Variants in KCNK10 observed in about 807,000 individuals in gnomAD.
KCNK10 encodes potassium channel subfamily K member 10.
KCNK10 carries 25 observed loss-of-function variants against 47.7 expected under a neutral mutation model. That is an observed-to-expected ratio of 0.52 (90% CI 0.38 to 0.73). KCNK10 has a LOEUF of 0.73. Ranked by LOEUF, KCNK10 falls within the 30% of genes least tolerant of loss-of-function variation. The probability of loss-of-function intolerance (pLI) is 0.00; values close to 1 mark genes in which losing one functional copy is unlikely to be tolerated. For missense variants in KCNK10, 563 were observed against 714.5 expected (o/e 0.79, Z 2.42); for synonymous variants, 303 against 285.6 (o/e 1.06, Z -0.61).
intron 4 of KCNK10, among the ~76,000 whole-genome samples, chr14:88,220,885 C>T (rs756742805): frequency 3.1e-4 from 47 of 151,888 alleles, no homozygotes; most frequent in Non-Finnish European, 3.4e-4. Context: ...AAAACCTCTG[C>T]TCTGTTAAAG....
chr14:88,321,618 T>TA (rs1888548955), intron 1 of KCNK10, among the ~76,000 whole-genome samples: 1 of 152,224 alleles, frequency 6.6e-6, no homozygotes, highest in Non-Finnish European at 1.5e-5. Context: ...GGGCTGTATT[T>TA]AAGATGTAAC....
chr14:88,206,471 A>T (rs1268006602), intron 4 of KCNK10, among the ~76,000 whole-genome samples: 1 of 152,240 alleles, frequency 6.6e-6, no homozygotes, highest in Non-Finnish European at 1.5e-5. Context: ...AGACACACAC[A>T]CAAATTGTTT....
chr14:88,186,020 G>C lies in KCNK10; in HGVS notation c.1147C>G (p.Arg383Gly). ...GCCCGCTGGTCCAGGCCCAGCCGCC[G>C]GCGCTCCATGCTGCGGATGGTGGCC... ...RAATIRSMER[R>G]RLGLDQRAHS... Residue 383 changes from arginine (R) to glycine (G), a missense_variant, in exon 7 of 7, where the codon CGG (arginine) becomes GGG (glycine). Transcript: ENST00000319231. This position sits in a 1 kb window ranked among gnomAD's most constrained non-coding sequence, Gnocchi z 5.5. 2 of 1,613,538 alleles carry C rather than the reference G, an allele frequency of 1.2e-6. No individual in the cohort carries two copies. Among genetic ancestry groups the C allele is most frequent in the Non-Finnish European group, 1.7e-6 (2 of 1,179,924 alleles).
chr14:88,297,086 G>A (rs1458074148), intron 1 of KCNK10, among the ~76,000 whole-genome samples: 3 of 152,116 alleles, frequency 2.0e-5, no homozygotes, highest in Non-Finnish European at 4.4e-5. Flanking sequence ...TACAAAATAT[G>A]GCTCTTGTTC....
At chr14:88,306,351 T>A (rs1391442085) in intron 1 of KCNK10, among the ~76,000 whole-genome samples, 1 of 152,234 alleles carries the variant, frequency 6.6e-6, no homozygotes, top group Non-Finnish European at 1.5e-5. Context: ...TAGGTTATTT[T>A]CCTCCTTCTT....
intron 4 of KCNK10, among the ~76,000 whole-genome samples, chr14:88,206,635 T>C (rs898432134): frequency 2.0e-5 from 3 of 152,222 alleles, no homozygotes; most frequent in Admixed American, 6.5e-5. Context: ...ACAACATACC[T>C]GAACCAATCT....
chr14:88,244,291 T>A (rs572588487), intron 2 of KCNK10, among the ~76,000 whole-genome samples: 1 of 152,310 alleles, frequency 6.6e-6, no homozygotes, highest in South Asian at 2.1e-4. Flanking sequence ...AGTTCTAATT[T>A]TTATTAATTT....
chr14:88,306,807 G>A (rs1888211631), intron 1 of KCNK10, among the ~76,000 whole-genome samples: 1 of 152,034 alleles, frequency 6.6e-6, no homozygotes, highest in Admixed American at 6.6e-5. Context: ...CTGGTTGCTG[G>A]GTTTCCAACC....
chr14:88,310,205 G>GATATACCATATGATATGGTATAAC, intron 1 of KCNK10, among the ~76,000 whole-genome samples: 1 of 42,358 alleles, frequency 2.4e-5, no homozygotes, highest in South Asian at 1.0e-3. Context: ...TATGGTATAT[G>GATATACCATATGATATGGTATAAC]ATATACCATA....
At chr14:88,202,993 A>G (rs191975724) in intron 4 of KCNK10, among the ~76,000 whole-genome samples, 1 of 152,316 alleles carries the variant, frequency 6.6e-6, no homozygotes, top group Non-Finnish European at 1.5e-5. Context: ...CCCTTGATCA[A>G]GATGGAAGTG....
rs568673821 is a variant in KCNK10 at position 88,184,680 on chromosome 14, C to T, written c.*855G>A. 1 of 152,408 alleles carries T rather than the reference C, an allele frequency of 6.6e-6. No individual in the cohort carries two copies. Among genetic ancestry groups the T allele is most frequent in the South Asian group, 2.1e-4 (1 of 4,828 alleles). The allele number at this position is 152,408 out of a possible 1,614,324, so 9.4% of individuals were successfully genotyped here. ...CCCCTCTTATCAAAACAAGTTATAACCAAAGTACATGGACATTTCCAAATC... is the reference window on the plus strand; with the variant it reads ...CCCCTCTTATCAAAACAAGTTATAATCAAAGTACATGGACATTTCCAAATC... On this transcript the variant is annotated 3_prime_UTR_variant, in exon 7 of 7. Coordinates refer to ENST00000319231, the MANE Select transcript of KCNK10 (RefSeq NM_138317.3).
At chr14:88,302,547 T>C (rs1048731206) in intron 1 of KCNK10, among the ~76,000 whole-genome samples, 2 of 152,068 alleles carry the variant, frequency 1.3e-5, no homozygotes, top group Non-Finnish European at 2.9e-5. Context: ...CTGTCTCTAC[T>C]AAAAATACAA....
At chr14:88,253,385 C>T (rs1457002577) in intron 2 of KCNK10, among the ~76,000 whole-genome samples, 1 of 151,682 alleles carries the variant, frequency 6.6e-6, no homozygotes, top group African/African-American at 2.4e-5. Context: ...GTTCCCAACA[C>T]AAAGAAATGA....
intron 1 of KCNK10, among the ~76,000 whole-genome samples, chr14:88,264,370 G>A (rs1056494299): frequency 9.9e-5 from 15 of 152,230 alleles, no homozygotes; most frequent in African/African-American, 2.9e-4. Flanking sequence ...ACAACGAACA[G>A]CCACTGCACT....
intron 4 of KCNK10, among the ~76,000 whole-genome samples, chr14:88,215,428 T>C (rs984394401): frequency 1.3e-5 from 2 of 152,138 alleles, no homozygotes. Context: ...AAGAGCAGCA[T>C]GGGAATAATC....
chr14:88,264,153 A>G (rs1424331732), intron 1 of KCNK10, among the ~76,000 whole-genome samples: 1 of 152,200 alleles, frequency 6.6e-6, no homozygotes, highest in Non-Finnish European at 1.5e-5. Flanking sequence ...TTTTTCTTCT[A>G]TTGTTTTCCA....
chr14:88,289,535 G>A (rs557386476), intron 1 of KCNK10, among the ~76,000 whole-genome samples: 12 of 152,368 alleles, frequency 7.9e-5, no homozygotes, highest in East Asian at 3.9e-4. Context: ...TCCTCTGGGA[G>A]CTCTGCCCAC....
At chr14:88,201,739 T>A (rs1276811966) in intron 4 of KCNK10, among the ~76,000 whole-genome samples, 1 of 152,242 alleles carries the variant, frequency 6.6e-6, no homozygotes, top group South Asian at 2.1e-4. Context: ...TCCTGGCTTT[T>A]AATTGGTACA....
intron 2 of KCNK10, among the ~76,000 whole-genome samples, chr14:88,245,728 T>C (rs1256689145): frequency 1.3e-5 from 2 of 152,182 alleles, no homozygotes; most frequent in African/African-American, 2.4e-5. Flanking sequence ...TTGTCTCAGA[T>C]TGGCTGAAGA....
Sources: gnomAD v4.1 joint callset for allele counts (sites outside exome capture counted in the v4.1 genomes callset) on GRCh38, gnomAD v4.1.1 for gene constraint, Gnocchi (gnomAD v3.1) non-coding constraint, MANE v1.5 for transcripts, NCBI Gene and HGNC (gene_info 2026-07-23, HGNC 2026-07-21) for gene names.